Variants in RBMS3 observed in about 807,000 individuals in gnomAD.
RBMS3 encodes the protein RNA binding motif single stranded interacting protein 3.
Under a neutral mutation model 66.8 loss-of-function variants are expected in RBMS3, and 27 were observed. The observed-to-expected ratio is 0.40, with a 90% confidence interval of 0.30 to 0.56. RBMS3 has a LOEUF of 0.56. Ranked by LOEUF, RBMS3 falls within the 20% of genes least tolerant of loss-of-function variation. RBMS3 has a pLI of 0.40. For synonymous variants in RBMS3, 188 were observed against 183.0 expected (o/e 1.03, Z -0.22); for missense variants, 513 against 549.5 (o/e 0.93, Z 0.66).
chr3:29,978,229 A>T (rs568052020), intron 12 of RBMS3, among the ~76,000 whole-genome samples: 3 of 152,302 alleles, frequency 2.0e-5, no homozygotes, highest in South Asian at 4.1e-4. Context: ...GCTATGGCCA[A>T]TTCCTGTAAA....
intron 4 of RBMS3, among the ~76,000 whole-genome samples, chr3:29,651,575 A>G (rs1230786379): frequency 6.6e-6 from 1 of 152,106 alleles, no homozygotes. Context: ...ACAAGTGTAC[A>G]CACATACACA....
chr3:29,529,591 A>C (rs2045270963), intron 3 of RBMS3, among the ~76,000 whole-genome samples: 1 of 152,128 alleles, frequency 6.6e-6, no homozygotes, highest in Non-Finnish European at 1.5e-5. Flanking sequence ...TATCCCATAG[A>C]TATTTTGATT....
chr3:29,590,073 C>T (rs1045427511), intron 4 of RBMS3, among the ~76,000 whole-genome samples: 2 of 139,694 alleles, frequency 1.4e-5, no homozygotes, highest in East Asian at 4.1e-4. Flanking sequence ...ACTGTTCTGC[C>T]ACAAAGGAGT....
chr3:29,738,215 C>T (rs868225497), intron 4 of RBMS3, among the ~76,000 whole-genome samples: 5 of 151,810 alleles, frequency 3.3e-5, no homozygotes, highest in South Asian at 2.1e-4. Flanking sequence ...TTTTTAAAAC[C>T]GTAAATATCT....
In RBMS3 at chr3:29,349,433, C is replaced by A. The variant is rs116582133; in HGVS notation, c.75+67677C>A. ...GTTCATCAGTTGCTTACTTTGTCCT[C>A]TATGTTTCCTGTATAGGGACCAATC... On this transcript the variant is annotated intron_variant, in intron 1 of 14. Coordinates refer to ENST00000383767, the MANE Select transcript of RBMS3 (RefSeq NM_001003793.3). Among the ~76,000 whole-genome samples, 1,099 of 152,294 alleles carry A rather than the reference C, an allele frequency of 7.2e-3. 17 individuals carry two copies. The highest frequency in any genetic ancestry group is 0.024 in the African/African-American group (987 of 41,572).
intron 6 of RBMS3, among the ~76,000 whole-genome samples, chr3:29,835,184 A>G (rs1285815625): frequency 6.6e-6 from 1 of 152,076 alleles, no homozygotes; most frequent in Non-Finnish European, 1.5e-5. Flanking sequence ...CAATGCAATA[A>G]TAGTAGGGAA....
At chr3:29,319,538 T>TGTGG (rs2034887971) in intron 1 of RBMS3, among the ~76,000 whole-genome samples, 2 of 151,982 alleles carry the variant, frequency 1.3e-5, no homozygotes, top group South Asian at 4.1e-4. Context: ...CAGCAACTAC[T>TGTGG]GTGGGCCAGG....
At chr3:29,689,866 G>A (rs2149271478) in intron 4 of RBMS3, among the ~76,000 whole-genome samples, 1 of 125,416 alleles carries the variant, frequency 8.0e-6, no homozygotes, top group East Asian at 2.4e-4. Flanking sequence ...GTTCACTTAA[G>A]GCCAGGAGTT....
At chr3:29,434,497 C>T (rs2041322880) in intron 1 of RBMS3, among the ~76,000 whole-genome samples, 1 of 152,192 alleles carries the variant, frequency 6.6e-6, no homozygotes, top group Admixed American at 6.5e-5. Context: ...CCATATGCTA[C>T]TGCCAGGAGC....
intron 1 of RBMS3, among the ~76,000 whole-genome samples, chr3:29,416,667 T>G (rs9849469): frequency 0.43 from 64,558 of 151,842 alleles, 14,034 homozygotes; most frequent in African/African-American, 0.52. Context: ...TTTTGTGGTC[T>G]GAATGGTTTC....
intron 8 of RBMS3, among the ~76,000 whole-genome samples, chr3:29,890,697 C>T (rs141056961): frequency 4.6e-5 from 7 of 151,412 alleles, no homozygotes; most frequent in African/African-American, 1.2e-4. Context: ...AAAACTATTG[C>T]GATTAAACCA....
intron 3 of RBMS3, among the ~76,000 whole-genome samples, chr3:29,583,174 C>G (rs770178222): frequency 5.3e-5 from 8 of 152,096 alleles, no homozygotes; most frequent in African/African-American, 1.7e-4. Context: ...CAGGGTGTCT[C>G]CTACCCTCAC....
chr3:29,933,316 A>G (rs1289696842), intron 10 of RBMS3, among the ~76,000 whole-genome samples: 2 of 152,048 alleles, frequency 1.3e-5, no homozygotes, highest in Non-Finnish European at 2.9e-5. Context: ...CTTCTTTTGT[A>G]TTTATTTATT....
rs112422007 is a variant in RBMS3 at position 29,318,800 on chromosome 3, A to G, written c.75+37044A>G. Among the ~76,000 whole-genome samples the G allele has an allele frequency of 4.3e-3, 648 of 152,086 alleles. 2 individuals carry two copies. Among genetic ancestry groups the G allele is most frequent in the African/African-American group, 0.015 (611 of 41,530 alleles). ...ATCTGGAACCTTGAGAGACTTAAGTAAGAAATATGCAAATCCATGATTACA... is the reference window on the plus strand; with the variant it reads ...ATCTGGAACCTTGAGAGACTTAAGTGAGAAATATGCAAATCCATGATTACA... On this transcript the variant is annotated intron_variant, in intron 1 of 14. Transcript: ENST00000383767.
intron 2 of RBMS3, among the ~76,000 whole-genome samples, chr3:29,480,470 A>G (rs76632001): frequency 0.042 from 6,397 of 152,272 alleles, 172 homozygotes; most frequent in Admixed American, 0.097. Context: ...AGTACAGGCA[A>G]GAAAAAAAGA....
chr3:29,472,528 G>A (rs1272997043), intron 2 of RBMS3, among the ~76,000 whole-genome samples: 1 of 152,160 alleles, frequency 6.6e-6, no homozygotes, highest in African/African-American at 2.4e-5. Context: ...GACCCTCGCT[G>A]TGAGTGTTAC....
chr3:29,655,283 G>T (rs530679402), intron 4 of RBMS3, among the ~76,000 whole-genome samples: 236 of 152,264 alleles, frequency 1.5e-3, no homozygotes, highest in African/African-American at 5.6e-3. Context: ...CTCCCCGTCT[G>T]CAGGGAGTTA....
chr3:29,653,395 G>A (rs17024086), intron 4 of RBMS3, among the ~76,000 whole-genome samples: 2,534 of 152,122 alleles, frequency 0.017, 53 homozygotes, highest in African/African-American at 0.05. Context: ...CCTCATTGTC[G>A]TCATTATCAC....
chr3:29,991,375 G>T lies in RBMS3; in HGVS notation c.1307+166G>T, dbSNP rs542560175. ...TGGGTTTGAAATTTGGGCTAACTTTGGGTGGATGGTTCTTCTGATCTTGAC... is the reference window on the plus strand; with the variant it reads ...TGGGTTTGAAATTTGGGCTAACTTTTGGTGGATGGTTCTTCTGATCTTGAC... On this transcript the variant is annotated intron_variant, in intron 14 of 14. Coordinates refer to ENST00000383767, the MANE Select transcript of RBMS3 (RefSeq NM_001003793.3). 8.1e-6 allele frequency: 9 copies of T among 1,117,392 alleles called. No homozygotes were observed. In the South Asian group the frequency reaches 1.5e-4, roughly 18 times the overall value. 69.2% of individuals were successfully genotyped at this position (1,117,392 alleles called of 1,614,324 possible).
Sources: allele counts gnomAD v4.1 joint callset (sites outside exome capture counted in the v4.1 genomes callset), GRCh38; gene constraint gnomAD v4.1.1; transcripts MANE v1.5; gene names NCBI Gene and HGNC (gene_info 2026-07-23, HGNC 2026-07-21).